MYO3B: variants seen among roughly 807,000 people sequenced by gnomAD.
MYO3B encodes the protein myosin-IIIb.
In MYO3B, 156 loss-of-function variants were observed where a neutral mutation model predicts 174.6. The ratio of observed to expected loss-of-function variants is 0.89; its 90% CI spans 0.78 to 1.02. The LOEUF is 1.02. Ranked by LOEUF, MYO3B falls within the 50% of genes least tolerant of loss-of-function variation. MYO3B has a pLI of 0.00. For missense variants in MYO3B, 1,632 were observed against 1,639.4 expected (o/e 1.00, Z 0.08); for synonymous variants, 563 against 569.1 (o/e 0.99, Z 0.15).
chr2:170,198,265 G>C (rs1428310204), intron 1 of MYO3B, among the ~76,000 whole-genome samples: 1 of 152,060 alleles, frequency 6.6e-6, no homozygotes. Flanking sequence ...GCTGCTTAAG[G>C]GCAGTCCACC....
chr2:170,491,722 G>A (rs1686497105), intron 25 of MYO3B, among the ~76,000 whole-genome samples: 1 of 152,222 alleles, frequency 6.6e-6, no homozygotes, highest in Non-Finnish European at 1.5e-5. Flanking sequence ...ACTGTGCCTG[G>A]CCATGTATTT....
At chr2:170,226,761 C>G (rs149999229) in intron 6 of MYO3B, among the ~76,000 whole-genome samples, 1 of 152,276 alleles carries the variant, frequency 6.6e-6, no homozygotes, top group Non-Finnish European at 1.5e-5. Flanking sequence ...CACATCCCCT[C>G]CGAGTGCTGA....
intron 25 of MYO3B, among the ~76,000 whole-genome samples, chr2:170,470,232 C>T (rs978872631): frequency 2.0e-5 from 3 of 151,630 alleles, no homozygotes; most frequent in African/African-American, 4.8e-5. Flanking sequence ...AAGGAAACTC[C>T]AAACTCATTA....
At chr2:170,560,475 G>A (rs1691633312) in intron 32 of MYO3B, among the ~76,000 whole-genome samples, 1 of 152,186 alleles carries the variant, frequency 6.6e-6, no homozygotes, top group Admixed American at 6.5e-5. Context: ...TGGTTTGTCT[G>A]ACCTAATATA....
At chr2:170,224,388 G>A (rs1257088120) in intron 6 of MYO3B, among the ~76,000 whole-genome samples, 1 of 152,170 alleles carries the variant, frequency 6.6e-6, no homozygotes, top group Non-Finnish European at 1.5e-5. Context: ...AAGAAACCAA[G>A]GCAGGGAAAG....
chr2:170,187,931 G>A (rs1241037218), intron 1 of MYO3B, among the ~76,000 whole-genome samples: 2 of 152,334 alleles, frequency 1.3e-5, no homozygotes, highest in African/African-American at 2.4e-5. Flanking sequence ...TGGGGAAAAT[G>A]TGTATTCTGC....
At chr2:170,248,682 C>T (rs2093218653) in intron 7 of MYO3B, among the ~76,000 whole-genome samples, 1 of 152,134 alleles carries the variant, frequency 6.6e-6, no homozygotes, top group African/African-American at 2.4e-5. Flanking sequence ...CACACTGCAC[C>T]ACTCTGACAC....
intron 32 of MYO3B, among the ~76,000 whole-genome samples, chr2:170,571,394 C>A (rs1404785825): frequency 6.6e-6 from 1 of 152,066 alleles, no homozygotes; most frequent in Non-Finnish European, 1.5e-5. Flanking sequence ...GCTAGCAAAG[C>A]TAGTAGTTTG....
chr2:170,575,183 A>AT (rs1692711426), intron 32 of MYO3B, among the ~76,000 whole-genome samples: 1 of 152,218 alleles, frequency 6.6e-6, no homozygotes, highest in African/African-American at 2.4e-5. Flanking sequence ...TTAGGGCACT[A>AT]TTAAAATCAT....
intron 7 of MYO3B, among the ~76,000 whole-genome samples, chr2:170,244,185 C>T (rs1369374542): frequency 1.3e-5 from 2 of 152,132 alleles, no homozygotes; most frequent in African/African-American, 4.8e-5. Context: ...CTGCCTCCTT[C>T]TATAGGGTCC....
In MYO3B at chr2:170,217,281, T is replaced by G. The variant is rs1015604151; in HGVS notation, c.527-38T>G. On this transcript the variant is annotated intron_variant, in intron 5 of 34. Transcript: ENST00000408978. The stretch of plus-strand genomic sequence containing the variant: ...GCCGATTGCTGGTCTAGCATCATAC[T>G]TTGCTCACTTTTGAATTCTGATACT... The G allele has an allele frequency of 1.9e-6, 3 of 1,580,202 alleles. No individual in the cohort carries two copies. The African/African-American group carries it at 4.0e-5, about 21-fold the overall frequency.
chr2:170,601,735 T>C, intron 32 of MYO3B: 1 of 1,526,074 alleles, frequency 6.6e-7, no homozygotes, highest in Non-Finnish European at 9.0e-7. Flanking sequence ...AGGCTTTCCT[T>C]TAGCTCGATA....
intron 32 of MYO3B, among the ~76,000 whole-genome samples, chr2:170,618,182 C>T (rs560118360): frequency 1.8e-3 from 276 of 152,220 alleles, no homozygotes; most frequent in African/African-American, 6.3e-3. Context: ...TGCAGGACAA[C>T]GATCATCTAG....
chr2:170,452,588 A>T (rs2105930982), intron 23 of MYO3B, among the ~76,000 whole-genome samples: 1 of 152,338 alleles, frequency 6.6e-6, no homozygotes. Context: ...AAAATCTCTT[A>T]TTCCAGACTC....
chr2:170,593,344 C>A (rs1159233453), intron 32 of MYO3B, among the ~76,000 whole-genome samples: 1 of 152,182 alleles, frequency 6.6e-6, no homozygotes, highest in Non-Finnish European at 1.5e-5. Flanking sequence ...CTCACGCGAT[C>A]CTCCCACCTT....
chr2:170,328,837 A>G (rs960012220), intron 7 of MYO3B, among the ~76,000 whole-genome samples: 2 of 151,772 alleles, frequency 1.3e-5, no homozygotes, highest in Non-Finnish European at 2.9e-5. Context: ...TCCCATTTCT[A>G]TTGGGATTAT....
chr2:170,413,687 G>C (rs1300752473), intron 22 of MYO3B, among the ~76,000 whole-genome samples: 1 of 151,420 alleles, frequency 6.6e-6, no homozygotes, highest in Non-Finnish European at 1.5e-5. Flanking sequence ...GTAAGGTTAA[G>C]ATGTTTTGGT....
chr2:170,634,675 A>G (rs1185353659), intron 32 of MYO3B, among the ~76,000 whole-genome samples: 2 of 152,266 alleles, frequency 1.3e-5, no homozygotes, highest in African/African-American at 4.8e-5. Flanking sequence ...CATCAGAGTG[A>G]ACAGGCAACC....
chr2:170,339,873 T>C (rs750513568), intron 8 of MYO3B, among the ~76,000 whole-genome samples: 1 of 152,212 alleles, frequency 6.6e-6, no homozygotes, highest in Non-Finnish European at 1.5e-5. Context: ...TTCATCCATA[T>C]GCTAGGACCC....
Sources: allele counts gnomAD v4.1 joint callset (sites outside exome capture counted in the v4.1 genomes callset), GRCh38; gene constraint gnomAD v4.1.1; transcripts MANE v1.5; gene names NCBI Gene and HGNC (gene_info 2026-07-23, HGNC 2026-07-21).